The following ENOX1 variants were observed in gnomAD, a reference collection of about 807,000 sequenced individuals.
ENOX1 encodes the protein candidate growth-related and time keeping constitutive hydroquinone (NADH) oxidase.
A neutral mutation model predicts 82.5 loss-of-function variants in ENOX1; 42 were observed. That is an observed-to-expected ratio of 0.51 (90% CI 0.40 to 0.66). The LOEUF is 0.66. ENOX1 is among the 30% of genes least tolerant of loss of function. The probability of loss-of-function intolerance (pLI) is 0.00; values close to 1 mark genes in which losing one functional copy is unlikely to be tolerated. For missense variants in ENOX1, 608 were observed against 811.6 expected, an observed-to-expected ratio of 0.75 and a Z score of 3.05; for synonymous variants, 271 against 282.2, an observed-to-expected ratio of 0.96 and a Z score of 0.40.
chr13:43,336,170 T>C (rs2048697723), intron 9 of ENOX1, among the ~76,000 whole-genome samples: 1 of 152,196 alleles, frequency 6.6e-6, no homozygotes, highest in South Asian at 2.1e-4. Flanking sequence ...CAAATTTCCC[T>C]TGGTGGAAAT....
intron 2 of ENOX1, among the ~76,000 whole-genome samples, chr13:43,641,574 C>T (rs1033320711): frequency 1.8e-5 from 2 of 109,354 alleles, no homozygotes; most frequent in African/African-American, 3.5e-5. Flanking sequence ...CTCACTCTGT[C>T]GCCCAGGCTG....
At chr13:43,283,827 T>C (rs896088371) in intron 12 of ENOX1, among the ~76,000 whole-genome samples, 5 of 152,128 alleles carry the variant, frequency 3.3e-5, no homozygotes, top group African/African-American at 1.2e-4. Flanking sequence ...TTTTAAATTT[T>C]TCCTTTAAGT....
intron 5 of ENOX1, among the ~76,000 whole-genome samples, chr13:43,409,893 C>T (rs1018669584): frequency 4.6e-5 from 7 of 152,104 alleles, no homozygotes; most frequent in South Asian, 4.1e-4. Flanking sequence ...CGGCTGGTGG[C>T]CCTGAGAACA....
At chr13:43,286,808 T>C (rs1184677914) in intron 12 of ENOX1, among the ~76,000 whole-genome samples, 3 of 152,214 alleles carry the variant, frequency 2.0e-5, no homozygotes, top group Non-Finnish European at 4.4e-5. Context: ...TTACTTTCCT[T>C]TCGCAGGTTC....
intron 1 of ENOX1, among the ~76,000 whole-genome samples, chr13:43,774,538 A>C (rs1951812133): frequency 6.6e-6 from 1 of 152,164 alleles, no homozygotes; most frequent in Admixed American, 6.5e-5. Context: ...ATGAGGCTGA[A>C]GTGTGTCTTA....
At chr13:43,227,044 C>T (rs1053980989) in intron 15 of ENOX1, among the ~76,000 whole-genome samples, 16 of 152,202 alleles carry the variant, frequency 1.1e-4, no homozygotes, top group African/African-American at 3.9e-4. Context: ...GCATAACCTA[C>T]AGCCTTTTGT....
intron 1 of ENOX1, among the ~76,000 whole-genome samples, chr13:43,721,669 C>T (rs946034295): frequency 2.1e-4 from 32 of 152,246 alleles, no homozygotes; most frequent in African/African-American, 6.3e-4. Context: ...TGAGCCACCA[C>T]GCCCGGCCTA....
chr13:43,708,876 TA>T (rs1020493747), intron 1 of ENOX1, among the ~76,000 whole-genome samples: 1 of 151,720 alleles, frequency 6.6e-6, no homozygotes, highest in Non-Finnish European at 1.5e-5. Context: ...AAACAAAACA[TA>T]AAAAAATTCT....
At chr13:43,783,243 G>C (rs1025939343) in intron 1 of ENOX1, among the ~76,000 whole-genome samples, 2 of 152,046 alleles carry the variant, frequency 1.3e-5, no homozygotes, top group African/African-American at 4.8e-5. Context: ...AGAGATTGAA[G>C]GCACAATATA....
intron 2 of ENOX1, among the ~76,000 whole-genome samples, chr13:43,552,994 A>G (rs996576849): frequency 6.6e-6 from 1 of 152,126 alleles, no homozygotes; most frequent in Non-Finnish European, 1.5e-5. Flanking sequence ...TTGTAATAAT[A>G]TTGAAGAGGA....
rs116245750 is a variant in ENOX1, at chr13:43,622,305, G to C, written c.-219+45174C>G. ...TGGTGAACTGGTGTGATATTTTTGG[G>C]GGGTGTCGAAGAGCCTTGTTTTGTC... On this transcript the variant is annotated intron_variant, in intron 2 of 16. Coordinates refer to ENST00000690772, the MANE Select transcript of ENOX1 (RefSeq NM_001347969.2). 6.6e-3 allele frequency among the ~76,000 whole-genome samples: 1,006 copies of C among 152,210 alleles called. 8 individuals carry two copies. Among genetic ancestry groups the C allele is most frequent in the African/African-American group, 0.023 (972 of 41,532 alleles).
chr13:43,742,281 A>G (rs1949779628), intron 1 of ENOX1, among the ~76,000 whole-genome samples: 1 of 152,122 alleles, frequency 6.6e-6, no homozygotes, highest in South Asian at 2.1e-4. Flanking sequence ...GTGACATAGT[A>G]ACAATCCAAA....
At position 43,361,752 on chromosome 13, in the gene ENOX1, C is replaced by T. The variant is rs78398293; in HGVS notation, c.209-300G>A. On this transcript the variant is annotated intron_variant, in intron 5 of 16. Coordinates refer to ENST00000690772, the MANE Select transcript of ENOX1 (RefSeq NM_001347969.2). Reference sequence around the variant, plus strand: ...TGAAGCTTCACTATTACTGTGAATGCAATTTTCTATTTCTTAACGTTGGTG... The same window carrying T: ...TGAAGCTTCACTATTACTGTGAATGTAATTTTCTATTTCTTAACGTTGGTG... 3.0e-4 allele frequency among the ~76,000 whole-genome samples: 46 copies of T among 152,234 alleles called. No individual in the cohort carries two copies. In the East Asian group the frequency reaches 6.2e-3, roughly 20 times the overall value.
chr13:43,689,818 T>G (rs1180867112), intron 1 of ENOX1, among the ~76,000 whole-genome samples: 1 of 152,162 alleles, frequency 6.6e-6, no homozygotes, highest in Non-Finnish European at 1.5e-5. Context: ...CTTTTTCACT[T>G]CCATTTTTTG....
chr13:43,580,711 T>C (rs1383595887), intron 2 of ENOX1, among the ~76,000 whole-genome samples: 1 of 152,246 alleles, frequency 6.6e-6, no homozygotes, highest in East Asian at 1.9e-4. Flanking sequence ...CACGCAATTA[T>C]TGGTAAGCTC....
intron 12 of ENOX1, among the ~76,000 whole-genome samples, chr13:43,278,813 AT>A (rs1741213656): frequency 6.6e-6 from 1 of 152,154 alleles, no homozygotes; most frequent in South Asian, 2.1e-4. Flanking sequence ...GATAGTTGCA[AT>A]TTTTTCCTTT....
chr13:43,347,998 G>A (rs1246264187), intron 8 of ENOX1, among the ~76,000 whole-genome samples: 1 of 152,194 alleles, frequency 6.6e-6, no homozygotes, highest in Non-Finnish European at 1.5e-5. Flanking sequence ...CCATTCACGG[G>A]TCTTGCCTTT....
intron 1 of ENOX1, among the ~76,000 whole-genome samples, chr13:43,677,338 A>G (rs1378496095): frequency 1.3e-5 from 2 of 152,128 alleles, no homozygotes; most frequent in African/African-American, 2.4e-5. Context: ...AGAGTGGCCA[A>G]AAGGAAGCAA....
intron 2 of ENOX1, among the ~76,000 whole-genome samples, chr13:43,659,306 T>A (rs977129284): frequency 6.6e-6 from 1 of 151,940 alleles, no homozygotes; most frequent in Non-Finnish European, 1.5e-5. Context: ...CTGGCCAACA[T>A]GGTGAAACCC....
Sources: allele counts gnomAD v4.1 joint callset (sites outside exome capture counted in the v4.1 genomes callset), GRCh38; gene constraint gnomAD v4.1.1; transcripts MANE v1.5; gene names NCBI Gene and HGNC (gene_info 2026-07-23, HGNC 2026-07-21).